CACNA1D: variants seen among roughly 807,000 people sequenced by gnomAD.
CACNA1D encodes the protein voltage-dependent L-type calcium channel subunit alpha-1D.
Under a neutral mutation model 257.1 loss-of-function variants are expected in CACNA1D, and 55 were observed. The observed-to-expected ratio is 0.21, with a 90% CI of 0.17 to 0.27. The LOEUF (loss-of-function observed/expected upper bound fraction) is 0.27, where lower values mean the gene tolerates loss of function less well. CACNA1D is among the 10% of genes least tolerant of loss of function. CACNA1D has a pLI of 1.00. For missense variants in CACNA1D, 1,876 were observed against 2,784.0 expected (o/e 0.67, Z 7.34); for synonymous variants, 980 against 1,014.9 (o/e 0.97, Z 0.65).
chr3:53,554,303 A>G (rs2092598169), intron 3 of CACNA1D, among the ~76,000 whole-genome samples: 1 of 152,162 alleles, frequency 6.6e-6, no homozygotes, highest in Admixed American at 6.5e-5. Flanking sequence ...TAAAACCAGA[A>G]TGTCTAGTAT....
At chr3:53,544,714 A>G (rs1240187929) in intron 3 of CACNA1D, among the ~76,000 whole-genome samples, 2 of 152,214 alleles carry the variant, frequency 1.3e-5, no homozygotes, top group South Asian at 2.1e-4. Context: ...GGGATGGCAT[A>G]TTTAGATGCA....
At chr3:53,660,001 T>G in intron 4 of CACNA1D, 132 bp from the exon 5 acceptor site, 1 of 792,034 alleles carries the variant, frequency 1.3e-6, no homozygotes, top group Non-Finnish European at 2.1e-6. Context: ...CCAGTTCTTG[T>G]CTTTGTCTTC....
chr3:53,696,746 G>A (rs2612017), intron 8 of CACNA1D, among the ~76,000 whole-genome samples: 3,502 of 152,252 alleles, frequency 0.023, 150 homozygotes, highest in African/African-American at 0.08. Context: ...ACAGGGTTGC[G>A]GAATTGAGAA....
In CACNA1D at chr3:53,745,835, C is replaced by T. The variant is rs185924781; in HGVS notation, c.3127C>T (p.Arg1043Cys). ...GVQLFKGKFY[R>C]CTDEAKSNPE... ...ATTTTATACCCAGGGGAAGTTCTATCGCTGTACGGATGAAGCCAAAAGTAA... is the reference window on the plus strand; with the variant it reads ...ATTTTATACCCAGGGGAAGTTCTATTGCTGTACGGATGAAGCCAAAAGTAA... Residue 1043 changes from arginine to cysteine, a missense_variant, in exon 25 of 48, where the codon CGC becomes TGC. By Grantham distance (180) the Arg-to-Cys change is radical. Around this residue, in one of 10 missense-constraint regions of CACNA1D, gnomAD observed 271 missense variants for 425.5 expected, o/e 0.64. Coordinates refer to ENST00000350061, the MANE Select transcript of CACNA1D (RefSeq NM_001128840.3). 1.4e-5 allele frequency: 23 copies of T among 1,613,638 alleles called. No homozygotes were observed. The Admixed American group carries it at 1.7e-4, about 12-fold the overall frequency.
At chr3:53,637,422 A>G (rs1312352382) in intron 3 of CACNA1D, among the ~76,000 whole-genome samples, 1 of 150,418 alleles carries the variant, frequency 6.6e-6, no homozygotes, top group Non-Finnish European at 1.5e-5. Flanking sequence ...TTGAATTTTT[A>G]TATTCTTGCT....
chr3:53,621,000 G>A (rs1188394366), intron 3 of CACNA1D, among the ~76,000 whole-genome samples: 2 of 152,210 alleles, frequency 1.3e-5, no homozygotes, highest in African/African-American at 4.8e-5. Context: ...CTTCCTAAGT[G>A]GCGAGAATAC....
intron 3 of CACNA1D, among the ~76,000 whole-genome samples, chr3:53,546,417 G>A (rs2092414458): frequency 6.6e-6 from 1 of 152,156 alleles, no homozygotes; most frequent in Admixed American, 6.5e-5. Context: ...TTTCTGTATT[G>A]ACATTGAGTC....
chr3:53,569,275 G>A (rs1483591268), intron 3 of CACNA1D, among the ~76,000 whole-genome samples: 1 of 152,160 alleles, frequency 6.6e-6, no homozygotes, highest in African/African-American at 2.4e-5. Context: ...CTTCCACACT[G>A]CAAGTTCTCA....
chr3:53,635,877 A>T (rs11709171), intron 3 of CACNA1D, among the ~76,000 whole-genome samples: 2 of 152,102 alleles, frequency 1.3e-5, no homozygotes, highest in Non-Finnish European at 2.9e-5. Flanking sequence ...TCCTTAGGAC[A>T]GGCAGGAAAC....
rs1242629282 is a variant in CACNA1D, at chr3:53,789,116, T to C, written c.4923+2164T>C. On this transcript the variant is annotated intron_variant, in intron 40 of 47. Coordinates refer to ENST00000350061, the MANE Select transcript of CACNA1D (RefSeq NM_001128840.3). This position sits in a 1 kb window ranked among gnomAD's most constrained non-coding sequence, Gnocchi z 4.2. Reference sequence around the variant, plus strand: ...AAAGACTCTTTTTGTGTTGCAATAATGTTGAGGGTTTCTCCTAAACGTTTT... The same window carrying C: ...AAAGACTCTTTTTGTGTTGCAATAACGTTGAGGGTTTCTCCTAAACGTTTT... Among the ~76,000 whole-genome samples the C allele has an allele frequency of 6.6e-6, 1 of 152,252 alleles. No homozygotes were observed. Among genetic ancestry groups the C allele is most frequent in the Non-Finnish European group, 1.5e-5 (1 of 68,048 alleles).
At chr3:53,738,218 A>C (rs2095077994) in intron 20 of CACNA1D, among the ~76,000 whole-genome samples, 1 of 152,144 alleles carries the variant, frequency 6.6e-6, no homozygotes, top group African/African-American at 2.4e-5. Flanking sequence ...TGCCTCCAGG[A>C]CTCTGTTGGG....
intron 2 of CACNA1D, among the ~76,000 whole-genome samples, chr3:53,500,367 G>A (rs1470269525): frequency 4.6e-5 from 7 of 151,428 alleles, no homozygotes; most frequent in South Asian, 2.1e-4. Flanking sequence ...CCTGGGAGGC[G>A]GAGGTTGCAG....
intron 3 of CACNA1D, among the ~76,000 whole-genome samples, chr3:53,502,740 T>C (rs1174417746): frequency 6.6e-6 from 1 of 152,116 alleles, no homozygotes; most frequent in Non-Finnish European, 1.5e-5. Context: ...TCTGCAATCT[T>C]TCTTTGATGA....
At chr3:53,665,997 T>C (rs1189279863) in intron 6 of CACNA1D, among the ~76,000 whole-genome samples, 185 bp downstream of exon 6, 1 of 152,142 alleles carries the variant, frequency 6.6e-6, no homozygotes, top group African/African-American at 2.4e-5. Context: ...AGTCTCCCTT[T>C]CCACCCCGAT....
intron 4 of CACNA1D, among the ~76,000 whole-genome samples, chr3:53,653,105 T>G (rs1305872643): frequency 6.6e-6 from 1 of 152,058 alleles, no homozygotes; most frequent in Non-Finnish European, 1.5e-5. Flanking sequence ...GCAAATATTA[T>G]CTGGGTGTGG....
intron 3 of CACNA1D, among the ~76,000 whole-genome samples, chr3:53,636,259 T>C (rs9883910): frequency 0.57 from 86,903 of 151,910 alleles, 25,562 homozygotes; most frequent in African/African-American, 0.7. Context: ...ATTGTAACTC[T>C]CAAGCACACA....
chr3:53,635,463 G>T (rs147061776), intron 3 of CACNA1D, among the ~76,000 whole-genome samples: 2 of 152,138 alleles, frequency 1.3e-5, no homozygotes, highest in Non-Finnish European at 2.9e-5. Flanking sequence ...TCTGGATTTG[G>T]GGGGGATCAG....
At chr3:53,689,690 G>A (rs1006053453) in intron 8 of CACNA1D, among the ~76,000 whole-genome samples, 6 of 152,046 alleles carry the variant, frequency 3.9e-5, no homozygotes, top group African/African-American at 7.3e-5. Context: ...GACAGGTCTT[G>A]CTCTGTCACC....
rs144994373 is a variant in CACNA1D, at chr3:53,718,268, G to A, written c.1391-33G>A. On this transcript the variant is annotated intron_variant, in intron 9 of 47. Transcript: ENST00000350061. Reference sequence around the variant, plus strand: ...GCCTCCCAGGCGTGCAGTGTGCCCCGCATGCTCTCTGAAGCCCGTCTTCTC... The same window carrying A: ...GCCTCCCAGGCGTGCAGTGTGCCCCACATGCTCTCTGAAGCCCGTCTTCTC... 2.0e-4 allele frequency: 320 copies of A among 1,584,030 alleles called. 1 individual carries two copies. The East Asian group carries it at 5.4e-3, about 27-fold the overall frequency.
Sources: gnomAD v4.1 joint callset for allele counts (sites outside exome capture counted in the v4.1 genomes callset) on GRCh38, gnomAD v4.1.1 for gene constraint, gnomAD v4.1.1 regional missense constraint, Gnocchi (gnomAD v3.1) non-coding constraint, MANE v1.5 for transcripts, NCBI Gene and HGNC (gene_info 2026-07-23, HGNC 2026-07-21) for gene names.